The following EDIL3 variants were observed in gnomAD, a reference collection of about 807,000 sequenced individuals.
The protein encoded by EDIL3 is EGF like and discoidin domains 3.
Under a neutral mutation model 67.4 loss-of-function variants are expected in EDIL3, and 37 were observed. The observed-to-expected ratio is 0.55, with a 90% CI of 0.42 to 0.72. The LOEUF is 0.72. Ranked by LOEUF, EDIL3 falls within the 30% of genes least tolerant of loss-of-function variation. The pLI is 0.00. For missense variants in EDIL3, 527 were observed against 586.3 expected, an observed-to-expected ratio of 0.90 and a Z score of 1.04; for synonymous variants, 195 against 196.3, an observed-to-expected ratio of 0.99 and a Z score of 0.05.
At chr5:84,358,801 G>A (rs910960244) in intron 1 of EDIL3, among the ~76,000 whole-genome samples, 9 of 151,712 alleles carry the variant, frequency 5.9e-5, no homozygotes, top group East Asian at 1.9e-4. Flanking sequence ...TAGTAGAGAC[G>A]GGGTTTCTCC....
rs552361677 is a variant in EDIL3, at chr5:84,054,381, C to G, written c.1137+5919G>C. 3.9e-5 allele frequency among the ~76,000 whole-genome samples: 6 copies of G among 152,262 alleles called. No homozygotes were observed. The East Asian group carries it at 7.7e-4, about 20-fold the overall frequency. ...TGAATGGGCAAAAACTGGAAGCATT[C>G]CCTTTGAAAACTGCCACAAGACAGG... On this transcript the variant is annotated intron_variant, in intron 9 of 10. Transcript: ENST00000296591.
chr5:84,070,813 A>G (rs2112245602), intron 6 of EDIL3, among the ~76,000 whole-genome samples: 1 of 152,284 alleles, frequency 6.6e-6, no homozygotes, highest in South Asian at 2.1e-4. Context: ...CTTGAACACA[A>G]AAACTATGGT....
At position 84,207,861 on chromosome 5, in the gene EDIL3, T is replaced by C. The variant is rs1292680476; in HGVS notation, c.226+21994A>G. ...CTAGCCATATGTAGAAAGCTGAAAC[T>C]GGATCCCTTCCTTACACCTTATACA... On this transcript the variant is annotated intron_variant, in intron 3 of 10. Transcript: ENST00000296591. Among the ~76,000 whole-genome samples the C allele has an allele frequency of 5.9e-5, 9 of 151,934 alleles. No individual in the cohort carries two copies. The East Asian group carries it at 1.2e-3, about 20-fold the overall frequency.
chr5:84,231,186 G>A (rs925333003), intron 2 of EDIL3, among the ~76,000 whole-genome samples: 1 of 152,170 alleles, frequency 6.6e-6, no homozygotes, highest in Non-Finnish European at 1.5e-5. Context: ...TAAGAGGTAG[G>A]AAGGTTTGAG....
intron 1 of EDIL3, among the ~76,000 whole-genome samples, chr5:84,260,763 T>C (rs1230820271): frequency 6.6e-6 from 1 of 152,152 alleles, no homozygotes; most frequent in Non-Finnish European, 1.5e-5. Context: ...CTAGAATATG[T>C]CTGCACCATC....
At chr5:84,095,026 C>A (rs1019337433) in intron 6 of EDIL3, among the ~76,000 whole-genome samples, 1 of 152,176 alleles carries the variant, frequency 6.6e-6, no homozygotes, top group Non-Finnish European at 1.5e-5. Context: ...CTCCCTCCAG[C>A]CTAGGTGGTC....
intron 1 of EDIL3, among the ~76,000 whole-genome samples, chr5:84,340,270 G>A (rs1747073735): frequency 6.6e-6 from 1 of 151,476 alleles, no homozygotes; most frequent in African/African-American, 2.4e-5. Flanking sequence ...GTGTCTCAGA[G>A]CACTGACTCT....
At chr5:84,208,586 G>A (rs1243029482) in intron 3 of EDIL3, among the ~76,000 whole-genome samples, 10 of 149,490 alleles carry the variant, frequency 6.7e-5, no homozygotes, top group Non-Finnish European at 1.5e-4. Context: ...GGCTGAGGCA[G>A]GAGAATGGCG....
At chr5:84,249,976 T>C (rs1744991148) in intron 2 of EDIL3, among the ~76,000 whole-genome samples, 1 of 152,146 alleles carries the variant, frequency 6.6e-6, no homozygotes, top group Admixed American at 6.5e-5. Context: ...AGAAAATTTC[T>C]GCATGAAATG....
intron 3 of EDIL3, among the ~76,000 whole-genome samples, chr5:84,215,937 C>G (rs909582660): frequency 6.6e-6 from 1 of 152,138 alleles, no homozygotes; most frequent in African/African-American, 2.4e-5. Context: ...ACTAGAGGGC[C>G]TGGGCAGAAG....
intron 1 of EDIL3, among the ~76,000 whole-genome samples, chr5:84,327,702 A>G (rs1746791885): frequency 6.6e-6 from 1 of 152,004 alleles, no homozygotes; most frequent in Non-Finnish European, 1.5e-5. Flanking sequence ...TAGGACACCA[A>G]CTTCCCAAGA....
At chr5:84,145,725 G>A (rs557892705) in intron 4 of EDIL3, among the ~76,000 whole-genome samples, 45 of 152,054 alleles carry the variant, frequency 3.0e-4, no homozygotes, top group African/African-American at 1.0e-3. Flanking sequence ...TAATATTTAC[G>A]GTTGCTAGAT....
At chr5:84,374,724 G>A (rs1181874768) in intron 1 of EDIL3, among the ~76,000 whole-genome samples, 3 of 152,152 alleles carry the variant, frequency 2.0e-5, no homozygotes. Context: ...CTGAATCATG[G>A]AGGTGGTTTC....
intron 10 of EDIL3, among the ~76,000 whole-genome samples, chr5:83,949,901 C>T (rs1035464482): frequency 2.6e-5 from 4 of 151,812 alleles, no homozygotes; most frequent in Non-Finnish European, 4.4e-5. Context: ...CACCAGATAG[C>T]CTATGCTAAC....
intron 1 of EDIL3, among the ~76,000 whole-genome samples, chr5:84,360,488 A>C: frequency 6.6e-6 from 1 of 152,282 alleles, no homozygotes; most frequent in Admixed American, 6.5e-5. Context: ...TTCCCCCCAA[A>C]ACATCTCTTA....
At position 84,334,974 on chromosome 5, in the gene EDIL3, TA is replaced by T. The variant is rs966196858; in HGVS notation, c.67+49333del. 2.6e-5 allele frequency among the ~76,000 whole-genome samples: 4 copies of T among 152,204 alleles called. No individual in the cohort carries two copies. In the East Asian group the frequency reaches 5.8e-4, roughly 22 times the overall value. On this transcript the variant is annotated intron_variant, in intron 1 of 10. Transcript: ENST00000296591. ...GCAATTGTAATTAGAAGACAGATAT[TA>T]TTTTTTTTAAAAGAATCCCATTTTC...
intron 9 of EDIL3, among the ~76,000 whole-genome samples, chr5:84,054,798 T>C (rs1477048503): frequency 6.7e-6 from 1 of 150,374 alleles, no homozygotes; most frequent in African/African-American, 2.5e-5. Context: ...CACTGCTCAA[T>C]GAAATAAAAG....
intron 9 of EDIL3, among the ~76,000 whole-genome samples, chr5:83,972,818 G>C (rs1744816019): frequency 6.6e-6 from 1 of 152,010 alleles, no homozygotes. Flanking sequence ...CTTGTATTAA[G>C]TCATGACATA....
intron 10 of EDIL3, among the ~76,000 whole-genome samples, chr5:83,960,747 C>T (rs1037639454): frequency 5.3e-5 from 8 of 150,490 alleles, no homozygotes; most frequent in African/African-American, 1.5e-4. Context: ...TCAATAAACA[C>T]GATTAAAATG....
Sources: gnomAD v4.1 joint callset for allele counts (sites outside exome capture counted in the v4.1 genomes callset) on GRCh38, gnomAD v4.1.1 for gene constraint, MANE v1.5 for transcripts, NCBI Gene and HGNC (gene_info 2026-07-23, HGNC 2026-07-21) for gene names.